Variants in LAMA2 observed in about 807,000 individuals in gnomAD.
The protein encoded by LAMA2 is laminin subunit alpha 2, also known as laminin subunit alpha-2.
A neutral mutation model predicts 364.8 loss-of-function variants in LAMA2; 269 were observed. The observed-to-expected ratio is 0.74, with a 90% CI of 0.67 to 0.82. The LOEUF (loss-of-function observed/expected upper bound fraction) is 0.82. Ranked by LOEUF, LAMA2 falls within the 40% of genes least tolerant of loss-of-function variation. The probability of loss-of-function intolerance (pLI) is 0.00; values close to 1 mark genes in which losing one functional copy is unlikely to be tolerated. For missense variants in LAMA2, 3,807 were observed against 3,873.2 expected, an observed-to-expected ratio of 0.98 and a Z score of 0.45; for synonymous variants, 1,379 against 1,370.6, an observed-to-expected ratio of 1.01 and a Z score of -0.14.
intron 29 of LAMA2, among the ~76,000 whole-genome samples, chr6:129,340,926 T>C (rs577162774): frequency 6.6e-6 from 1 of 152,052 alleles, no homozygotes; most frequent in East Asian, 1.9e-4. Flanking sequence ...TTTCACATTG[T>C]TATAAAATCT....
chr6:129,280,306 A>G (rs1788634787), intron 18 of LAMA2, among the ~76,000 whole-genome samples, 159 bp downstream of exon 18: 1 of 152,178 alleles, frequency 6.6e-6, no homozygotes, highest in Non-Finnish European at 1.5e-5. Flanking sequence ...AATGCATTAT[A>G]TTTTTGTAAT....
chr6:129,361,160 T>C (rs557181796), intron 32 of LAMA2, among the ~76,000 whole-genome samples: 9 of 152,332 alleles, frequency 5.9e-5, no homozygotes, highest in African/African-American at 1.4e-4. Context: ...GCAAATTGCT[T>C]GCTTGCATCC....
At chr6:129,340,929 T>C (rs1233450814) in intron 29 of LAMA2, among the ~76,000 whole-genome samples, 2 of 151,766 alleles carry the variant, frequency 1.3e-5, no homozygotes, top group Non-Finnish European at 2.9e-5. Flanking sequence ...CACATTGTTA[T>C]AAAATCTGTA....
chr6:129,342,850 T>G (rs2114569512), intron 30 of LAMA2, among the ~76,000 whole-genome samples: 1 of 152,304 alleles, frequency 6.6e-6, no homozygotes, highest in Middle Eastern at 3.4e-3. Context: ...ATATAATTTT[T>G]GTGGCTGTTT....
intron 3 of LAMA2, among the ~76,000 whole-genome samples, chr6:129,062,317 T>C (rs1208133186): frequency 6.6e-6 from 1 of 152,182 alleles, no homozygotes; most frequent in Non-Finnish European, 1.5e-5. Flanking sequence ...GCCTTCTTTC[T>C]AAAGCTTATT....
rs1295781700 is a variant in LAMA2 at position 128,915,117 on chromosome 6, A to T, written c.112+31760A>T. Among the ~76,000 whole-genome samples, 3 of 152,126 alleles carry T rather than the reference A, an allele frequency of 2.0e-5. No homozygotes were observed. The East Asian group carries it at 5.8e-4, about 29-fold the overall frequency. ...TGGCTGAATAGTTCATCTAATTTGA[A>T]ATACTTTGGTGTCACATGGACCTTT... On this transcript the variant is annotated intron_variant, in intron 1 of 64. Transcript: ENST00000421865.
chr6:129,340,713 T>C (rs955666595), intron 29 of LAMA2, among the ~76,000 whole-genome samples: 3 of 151,550 alleles, frequency 2.0e-5, no homozygotes, highest in African/African-American at 7.3e-5. Flanking sequence ...GGTATGTGCC[T>C]GTAGTACCAG....
intron 12 of LAMA2, among the ~76,000 whole-genome samples, chr6:129,215,730 A>G (rs147420847): frequency 1.2e-3 from 188 of 152,256 alleles, no homozygotes; most frequent in African/African-American, 2.8e-3. Context: ...TGTAAATACT[A>G]CTTCTTAGAG....
intron 12 of LAMA2, among the ~76,000 whole-genome samples, chr6:129,238,574 T>A (rs1785167717): frequency 1.4e-5 from 2 of 141,198 alleles, no homozygotes; most frequent in African/African-American, 5.4e-5. Context: ...TGTGTGTGTG[T>A]GTGAGAGAGA....
At chr6:129,358,390 G>T (rs1777274853) in intron 32 of LAMA2, among the ~76,000 whole-genome samples, 1 of 151,952 alleles carries the variant, frequency 6.6e-6, no homozygotes, top group African/African-American at 2.4e-5. Context: ...TTTGTTTTCA[G>T]CAAGTTTTAT....
At chr6:129,465,123 G>A (rs1324985599) in intron 50 of LAMA2, 22 bp from the exon 51 acceptor site, 10 of 1,593,440 alleles carry the variant, frequency 6.3e-6, no homozygotes, top group Middle Eastern at 3.3e-4. Context: ...TAACCACTGG[G>A]GTATGTTTAC....
intron 42 of LAMA2, among the ~76,000 whole-genome samples, 199 bp from the exon 43 acceptor site, chr6:129,440,617 T>C (rs1342721408): frequency 6.6e-6 from 1 of 152,138 alleles, no homozygotes; most frequent in Non-Finnish European, 1.5e-5. Context: ...CAGGTATTCA[T>C]AGCAAAAGTC....
In LAMA2 at chr6:129,374,744, A is replaced by ATTT. The variant is rs33988321; in HGVS notation, c.4959+4771_4959+4773dup. Reference sequence around the variant, plus strand: ...AGGCACCTGCTACCATGCCCAGCTAATTTTTTTTTTTTTTTTTTTAAGTAG... The same window carrying ATTT: ...AGGCACCTGCTACCATGCCCAGCTAATTTTTTTTTTTTTTTTTTTTTTAAGTAG... On this transcript the variant is annotated intron_variant, in intron 34 of 64. Transcript: ENST00000421865. 2.3e-3 allele frequency among the ~76,000 whole-genome samples: 314 copies of ATTT among 137,316 alleles called. 3 individuals carry two copies. Among genetic ancestry groups the ATTT allele is most frequent in the African/African-American group, 8.0e-3 (296 of 36,870 alleles). 90.1% of individuals were successfully genotyped at this position (137,316 alleles called of 152,430 possible).
At chr6:129,314,505 G>A (rs1774449478) in intron 23 of LAMA2, 150 bp from the exon 24 acceptor site, 1 of 690,006 alleles carries the variant, frequency 1.4e-6, no homozygotes, top group African/African-American at 1.8e-5. Context: ...TTAACTACAT[G>A]TGCCATTTGA....
At chr6:129,020,631 A>G (rs952334423) in intron 1 of LAMA2, among the ~76,000 whole-genome samples, 1 of 152,156 alleles carries the variant, frequency 6.6e-6, no homozygotes, top group Admixed American at 6.5e-5. Context: ...ACACGTGAAA[A>G]GGTGTCCCAG....
rs759023001 is a variant in LAMA2, at chr6:128,929,763, C to T, written c.112+46406C>T. ...CCAATCGTAGCTGGATATTGGAAAA[C>T]GTGTAAAACCACAACTGTCTCCTGA... On this transcript the variant is annotated intron_variant, in intron 1 of 64. Coordinates refer to ENST00000421865, the MANE Select transcript of LAMA2 (RefSeq NM_000426.4). 13 of 1,119,722 alleles carry T rather than the reference C, an allele frequency of 1.2e-5. No homozygotes were observed. In the Admixed American group the frequency reaches 1.2e-4, roughly 10 times the overall value. The allele number at this position is 1,119,722 out of a possible 1,614,324, so 69.4% of individuals were successfully genotyped here.
At chr6:129,441,719 C>A (rs1782123924) in intron 43 of LAMA2, among the ~76,000 whole-genome samples, 1 of 152,030 alleles carries the variant, frequency 6.6e-6, no homozygotes, top group African/African-American at 2.4e-5. Flanking sequence ...TGGTTAACAC[C>A]TGTAATCTTT....
chr6:129,434,599 G>T (rs536992585), intron 41 of LAMA2, among the ~76,000 whole-genome samples: 1 of 152,114 alleles, frequency 6.6e-6, no homozygotes, highest in South Asian at 2.1e-4. Flanking sequence ...AATTCAGTTG[G>T]ATTTTCTTTT....
At chr6:128,933,087 C>A (rs1325754557) in intron 1 of LAMA2, among the ~76,000 whole-genome samples, 2 of 152,166 alleles carry the variant, frequency 1.3e-5, no homozygotes, top group Non-Finnish European at 2.9e-5. Context: ...TGAGTGAGAT[C>A]ATACTGTATT....
Sources: allele counts gnomAD v4.1 joint callset (sites outside exome capture counted in the v4.1 genomes callset), GRCh38; gene constraint gnomAD v4.1.1; transcripts MANE v1.5; gene names NCBI Gene and HGNC (gene_info 2026-07-23, HGNC 2026-07-21).